Variants in JADE2 observed in about 807,000 individuals in gnomAD.
JADE2 encodes the protein jade family PHD finger 2, also known as E3 ubiquitin-protein ligase Jade-2.
In JADE2, 13 loss-of-function variants were observed where a neutral mutation model predicts 85.7. The observed-to-expected ratio is 0.15, with a 90% CI of 0.10 to 0.24. The LOEUF (loss-of-function observed/expected upper bound fraction) is 0.24, where lower values mean the gene tolerates loss of function less well. Among genes scored for constraint, JADE2 ranks in the 10% least tolerant of loss-of-function variants. The probability of loss-of-function intolerance (pLI) is 1.00; values close to 1 mark genes in which losing one functional copy is unlikely to be tolerated. For missense variants in JADE2, 846 were observed against 1,115.9 expected (o/e 0.76, Z 3.45); for synonymous variants, 440 against 456.1 (o/e 0.96, Z 0.45).
chr5:134,565,331 T>G (rs1763573440), intron 8 of JADE2, among the ~76,000 whole-genome samples: 1 of 152,188 alleles, frequency 6.6e-6, no homozygotes, highest in Admixed American at 6.5e-5. Flanking sequence ...TCATAATAGT[T>G]GGGTGCGTGA....
At chr5:134,551,070 T>C (rs1413243643) in intron 3 of JADE2, among the ~76,000 whole-genome samples, 1 of 152,060 alleles carries the variant, frequency 6.6e-6, no homozygotes, top group Non-Finnish European at 1.5e-5. Flanking sequence ...GCTGTTTGCA[T>C]AAGGTTTGCA....
At position 134,538,025 on chromosome 5, in the gene JADE2, A is replaced by C. The variant is rs1304223954; in HGVS notation, c.95A>C (p.Lys32Thr). The change falls in exon 3 of 12, where the codon AAA (lysine) becomes ACA (threonine). Residue 32 changes from lysine (K) to threonine (T), a missense_variant. Transcript: ENST00000681547. ...TCTACATCCGCATCAAGATGCTCCA[A>C]ACTGCCCAGCAGCACCAAGTCGGGC... ...ATSTSASRCS[K>T]LPSSTKSGWP... is the part of the protein sequence containing the mutation. The C allele has an allele frequency of 4.3e-6, 7 of 1,614,112 alleles. No individual in the cohort carries two copies. Among genetic ancestry groups the C allele is most frequent in the Non-Finnish European group, 5.9e-6 (7 of 1,180,012 alleles).
At position 134,579,587 on chromosome 5, in the gene JADE2, T is replaced by C; in HGVS notation, c.*270T>C. The C allele has an allele frequency of 2.4e-6, 1 of 424,376 alleles. No individual in the cohort carries two copies. The highest frequency in any genetic ancestry group is 2.0e-5 in the African/African-American group (1 of 51,006). 26.3% of individuals were successfully genotyped at this position (424,376 alleles called of 1,614,324 possible). On this transcript the variant is annotated 3_prime_UTR_variant, in exon 12 of 12. Coordinates refer to ENST00000681547, the MANE Select transcript of JADE2 (RefSeq NM_001388185.1). The surrounding 1 kb of genome is among the most constrained non-coding windows in gnomAD (Gnocchi z 4.6). ...CCATCCCTGCCCTGCCCACGTGGTA[T>C]TGCTGGGCTCCTGGCTAGATGCAAG...
chr5:134,536,254 G>C (rs1761579923), intron 2 of JADE2, among the ~76,000 whole-genome samples: 1 of 152,190 alleles, frequency 6.6e-6, no homozygotes, highest in Non-Finnish European at 1.5e-5. Flanking sequence ...GTATACAACA[G>C]ATACAAAACC....
intron 10 of JADE2, chr5:134,574,958 A>T (rs1468736484): frequency 2.0e-5 from 3 of 152,274 alleles, no homozygotes; most frequent in African/African-American, 7.2e-5. Context: ...ACAACATCTC[A>T]GGCACTTGGC....
At position 134,579,533 on chromosome 5, in the gene JADE2, G is replaced by A; in HGVS notation, c.*216G>A. The A allele has an allele frequency of 1.8e-6, 1 of 549,596 alleles. No homozygotes were observed. Among genetic ancestry groups the A allele is most frequent in the Non-Finnish European group, 3.2e-6 (1 of 310,688 alleles). The allele number at this position is 549,596 out of a possible 1,614,324, so 34.0% of individuals were successfully genotyped here. ...CATTAGGATTCCTTCCACGGCTCCG[G>A]CCGCTAGGACCCTGCCAGGTCCCGC... On this transcript the variant is annotated 3_prime_UTR_variant, in exon 12 of 12. Transcript: ENST00000681547. The surrounding 1 kb of genome is among the most constrained non-coding windows in gnomAD (Gnocchi z 4.6).
At chr5:134,552,983 T>A (rs931121474) in intron 4 of JADE2, among the ~76,000 whole-genome samples, 1 of 122,822 alleles carries the variant, frequency 8.1e-6, no homozygotes, top group Non-Finnish European at 1.7e-5. Flanking sequence ...CCTCTGGGCC[T>A]GGCCTTTTTT....
chr5:134,535,921 G>T lies in JADE2; in HGVS notation c.58+6G>T, dbSNP rs374578005. ...CAACTCTGACACCACTGACAGTAAG[G>T]CCTTCCAGTTTGGGCTCCTACAGGG... On this transcript the variant is annotated splice_donor_region_variant and intron_variant, in intron 2 of 11. Coordinates refer to ENST00000681547, the MANE Select transcript of JADE2 (RefSeq NM_001388185.1). 10 of 1,613,308 alleles carry T rather than the reference G, an allele frequency of 6.2e-6. No homozygotes were observed. Among genetic ancestry groups the T allele is most frequent in the Admixed American group, 1.7e-5 (1 of 59,990 alleles).
At chr5:134,529,440 A>G (rs951852764) in intron 1 of JADE2, among the ~76,000 whole-genome samples, 5 of 152,246 alleles carry the variant, frequency 3.3e-5, no homozygotes, top group Non-Finnish European at 7.3e-5. Context: ...CAGACAGCCT[A>G]GGTTTGAATC....
chr5:134,552,107 G>C lies in JADE2; in HGVS notation c.209G>C (p.Ser70Thr). The C allele has an allele frequency of 6.2e-7, 1 of 1,614,208 alleles. No individual in the cohort carries two copies. The highest frequency in any genetic ancestry group is 1.1e-5 in the South Asian group (1 of 91,086). The change falls in exon 4 of 12, where the codon AGC becomes ACC. Residue 70 changes from serine to threonine, a missense_variant. Ser to Thr is a moderately conservative substitution (Grantham distance 58). Transcript: ENST00000681547. Reference sequence around the variant, plus strand: ...AAGATCCCGGACTCATACCAGCTCAGCCCGGATGACTACTACATCCTGGCA... The same window carrying C: ...AAGATCCCGGACTCATACCAGCTCACCCCGGATGACTACTACATCCTGGCA... ...AMKIPDSYQLSPDDYYILADP... is the reference protein window; with the variant it reads ...AMKIPDSYQLTPDDYYILADP...
At chr5:134,544,936 G>A (rs965097399) in intron 3 of JADE2, among the ~76,000 whole-genome samples, 5 of 152,198 alleles carry the variant, frequency 3.3e-5, no homozygotes, top group African/African-American at 9.7e-5. Flanking sequence ...TTGTGTTGGG[G>A]CTCCAAACCA....
At chr5:134,575,849 C>T (rs898919487) in intron 10 of JADE2, 1 of 152,026 alleles carries the variant, frequency 6.6e-6, no homozygotes, top group African/African-American at 2.4e-5. Flanking sequence ...GCTATGATTA[C>T]ACCACTGTAC....
intron 7 of JADE2, 148 bp from the exon 8 acceptor site, chr5:134,564,346 T>TGGTGTCAGGAGGGACTTG: frequency 1.8e-6 from 1 of 549,946 alleles, no homozygotes; most frequent in Non-Finnish European, 3.3e-6. Flanking sequence ...CATGCTTGTT[T>TGGTGTCAGGAGGGACTTG]GGTGTCAGGA....
At chr5:134,545,853 C>T (rs919793781) in intron 3 of JADE2, among the ~76,000 whole-genome samples, 3 of 152,200 alleles carry the variant, frequency 2.0e-5, no homozygotes, top group Non-Finnish European at 2.9e-5. Flanking sequence ...TCTTTAAGTA[C>T]AGACCTTCAA....
Position 134,573,550 on chromosome 5 carries a change from CT to C in JADE2, c.1435-94del, listed in dbSNP as rs1764172430. Reference sequence around the variant, plus strand: ...TAGGCTGTGGCGGTAGCCTGTGCCCCTGGCACTGCCTCCACCCATAGCAAGG... The same window carrying C: ...TAGGCTGTGGCGGTAGCCTGTGCCCCGGCACTGCCTCCACCCATAGCAAGG... On this transcript the variant is annotated intron_variant, in intron 9 of 11. Transcript: ENST00000681547. 38 of 839,236 alleles carry C rather than the reference CT, an allele frequency of 4.5e-5. No individual in the cohort carries two copies. In the South Asian group the frequency reaches 5.0e-4, roughly 11 times the overall value. The allele number at this position is 839,236 out of a possible 1,614,324, so 52.0% of individuals were successfully genotyped here. A position where few individuals can be genotyped will look rare whatever the true frequency, so the allele number is the denominator to read the frequency against.
At chr5:134,552,356 A>C (rs1001218020) in intron 4 of JADE2, 147 bp downstream of exon 4, 1 of 833,978 alleles carries the variant, frequency 1.2e-6, no homozygotes, top group African/African-American at 1.7e-5. Flanking sequence ...CAAACCATTG[A>C]AATGTTCCAG....
chr5:134,546,628 C>T (rs568490874), intron 3 of JADE2, among the ~76,000 whole-genome samples: 12 of 151,826 alleles, frequency 7.9e-5, no homozygotes, highest in Non-Finnish European at 1.3e-4. Flanking sequence ...ATTAGCTGGG[C>T]GCGGTGGCCG....
intron 9 of JADE2, among the ~76,000 whole-genome samples, chr5:134,567,602 G>T (rs1373807753): frequency 1.3e-5 from 2 of 152,164 alleles, no homozygotes; most frequent in Non-Finnish European, 2.9e-5. Context: ...GCAGGAGCAT[G>T]CAGGGAACGT....
At chr5:134,561,124 G>A (rs1420130052) in intron 6 of JADE2, among the ~76,000 whole-genome samples, 167 bp downstream of exon 6, 1 of 152,228 alleles carries the variant, frequency 6.6e-6, no homozygotes, top group African/African-American at 2.4e-5. Flanking sequence ...AGGGCCCCTT[G>A]GCTTAGACTT....
Sources: allele counts gnomAD v4.1 joint callset (sites outside exome capture counted in the v4.1 genomes callset), GRCh38; gene constraint gnomAD v4.1.1; non-coding constraint Gnocchi (gnomAD v3.1); transcripts MANE v1.5; gene names NCBI Gene and HGNC (gene_info 2026-07-23, HGNC 2026-07-21).